The following C10orf90 variants were observed in gnomAD, a reference collection of about 807,000 sequenced individuals.
C10orf90 encodes (E2-independent) E3 ubiquitin-conjugating enzyme FATS.
In C10orf90, 56 loss-of-function variants were observed where a neutral mutation model predicts 62.5. That is an observed-to-expected ratio of 0.90 (90% CI 0.72 to 1.12). The LOEUF is 1.12. Among genes scored for constraint, C10orf90 ranks in the 50% most tolerant of loss-of-function variants. The pLI is 0.00. For missense variants in C10orf90, 970 were observed against 880.4 expected, an observed-to-expected ratio of 1.10 and a Z score of -1.29; for synonymous variants, 386 against 340.4, an observed-to-expected ratio of 1.13 and a Z score of -1.47.
chr10:126,518,775 C>T (rs1863577425), intron 2 of C10orf90, among the ~76,000 whole-genome samples: 1 of 152,164 alleles, frequency 6.6e-6, no homozygotes, highest in Admixed American at 6.5e-5. Context: ...CTGTCTCCAT[C>T]CGCCTGAACC....
intron 4 of C10orf90, among the ~76,000 whole-genome samples, chr10:126,478,089 C>T (rs907239019): frequency 3.9e-5 from 6 of 152,146 alleles, no homozygotes; most frequent in African/African-American, 1.4e-4. Context: ...AATACAGGCC[C>T]TTGGAATAAC....
At chr10:126,548,267 G>T (rs1484461340) in intron 2 of C10orf90, among the ~76,000 whole-genome samples, 2 of 152,204 alleles carry the variant, frequency 1.3e-5, no homozygotes, top group Non-Finnish European at 2.9e-5. Flanking sequence ...GTGGGGCCGG[G>T]CACAGTGGCT....
intron 4 of C10orf90, among the ~76,000 whole-genome samples, chr10:126,476,649 G>A (rs1046171527): frequency 6.6e-6 from 1 of 152,222 alleles, no homozygotes; most frequent in African/African-American, 2.4e-5. Context: ...TGCGGCACCA[G>A]ACAAATGCTC....
chr10:126,442,055 C>T (rs1237692722), intron 7 of C10orf90, among the ~76,000 whole-genome samples: 3 of 151,986 alleles, frequency 2.0e-5, no homozygotes, highest in Non-Finnish European at 2.9e-5. Context: ...CCTCCCATCT[C>T]AATACTAATA....
intron 2 of C10orf90, among the ~76,000 whole-genome samples, chr10:126,609,758 G>T (rs570520244): frequency 6.6e-6 from 1 of 152,234 alleles, no homozygotes; most frequent in Non-Finnish European, 1.5e-5. Flanking sequence ...GCCAGATGCT[G>T]CACGGGATGC....
At chr10:126,660,814 T>C (rs1846494129) in intron 1 of C10orf90, among the ~76,000 whole-genome samples, 1 of 152,224 alleles carries the variant, frequency 6.6e-6, no homozygotes, top group African/African-American at 2.4e-5. Context: ...CAATACATGA[T>C]CCTGCCTTAA....
At chr10:126,440,428 C>A (rs1365918232) in intron 7 of C10orf90, among the ~76,000 whole-genome samples, 1 of 152,094 alleles carries the variant, frequency 6.6e-6, no homozygotes, top group Non-Finnish European at 1.5e-5. Context: ...CCCAGCTCTG[C>A]CCCCAGCTGA....
At chr10:126,628,033 A>G (rs2842152) in intron 2 of C10orf90, among the ~76,000 whole-genome samples, 86,924 of 152,138 alleles carry the variant, frequency 0.57, 25,160 homozygotes, top group Middle Eastern at 0.69. Flanking sequence ...AGTGCATGGA[A>G]TTATACCCAA....
At chr10:126,576,259 A>G (rs759410261) in intron 2 of C10orf90, among the ~76,000 whole-genome samples, 2 of 152,068 alleles carry the variant, frequency 1.3e-5, no homozygotes, top group Non-Finnish European at 2.9e-5. Flanking sequence ...AAATGGGCAA[A>G]TGATCTGAGC....
chr10:126,433,031 C>T (rs991001897), intron 7 of C10orf90, among the ~76,000 whole-genome samples: 3 of 152,084 alleles, frequency 2.0e-5, no homozygotes, highest in Admixed American at 2.0e-4. Flanking sequence ...GCAAAAATGG[C>T]AGCAGTGAGA....
At chr10:126,499,476 A>G (rs569813597) in intron 4 of C10orf90, among the ~76,000 whole-genome samples, 42 of 152,340 alleles carry the variant, frequency 2.8e-4, no homozygotes, top group African/African-American at 9.6e-4. Flanking sequence ...AAAAGTCCTC[A>G]TGGGATGAGA....
intron 2 of C10orf90, among the ~76,000 whole-genome samples, chr10:126,618,765 C>T (rs1254296103): frequency 6.6e-6 from 1 of 152,176 alleles, no homozygotes; most frequent in Non-Finnish European, 1.5e-5. Context: ...TCTCTTGTGC[C>T]TTCCACTCCT....
At chr10:126,573,996 A>G (rs1396702063) in intron 2 of C10orf90, among the ~76,000 whole-genome samples, 1 of 152,200 alleles carries the variant, frequency 6.6e-6, no homozygotes, top group Non-Finnish European at 1.5e-5. Flanking sequence ...CACTTCGTCT[A>G]ACAAAAATGT....
intron 2 of C10orf90, among the ~76,000 whole-genome samples, chr10:126,613,409 T>C (rs1845478989): frequency 6.6e-6 from 1 of 152,088 alleles, no homozygotes; most frequent in Non-Finnish European, 1.5e-5. Context: ...GCTAGTCTTT[T>C]TGTTTCTTTC....
At chr10:126,507,875 G>A (rs1193569921) in intron 3 of C10orf90, among the ~76,000 whole-genome samples, 1 of 152,126 alleles carries the variant, frequency 6.6e-6, no homozygotes, top group Admixed American at 6.5e-5. Flanking sequence ...TATGGATGTA[G>A]TTTACACATA....
rs369907613 is a variant in C10orf90 at position 126,653,738 on chromosome 10, GTTTGC to G, written c.241-7106_241-7102del. 2.3e-3 allele frequency among the ~76,000 whole-genome samples: 346 copies of G among 152,268 alleles called. 2 individuals are homozygous for G. The highest frequency in any genetic ancestry group is 7.9e-3 in the African/African-American group (328 of 41,554). On this transcript the variant is annotated intron_variant, in intron 1 of 9. Coordinates refer to ENST00000488181, the MANE Select transcript of C10orf90 (RefSeq NM_001350921.2). The stretch of plus-strand genomic sequence containing the variant: ...GTGAATCTTTTCCAGAAGGTTATCA[GTTTGC>G]TTTGCTCAGATTCATCAGCAGAATC...
intron 5 of C10orf90, among the ~76,000 whole-genome samples, chr10:126,464,346 C>T (rs908243142): frequency 4.6e-4 from 70 of 152,296 alleles, no homozygotes; most frequent in Non-Finnish European, 8.7e-4. Context: ...ACAGTCAACC[C>T]AGAGGACCTG....
At chr10:126,565,145 A>T (rs867473996) in intron 2 of C10orf90, among the ~76,000 whole-genome samples, 1 of 5,830 alleles carries the variant, frequency 1.7e-4, no homozygotes, top group African/African-American at 7.2e-4. Context: ...ATATAATATT[A>T]AATATGTAAT....
At chr10:126,658,822 G>A (rs1445511138) in intron 1 of C10orf90, among the ~76,000 whole-genome samples, 1 of 152,104 alleles carries the variant, frequency 6.6e-6, no homozygotes, top group Non-Finnish European at 1.5e-5. Flanking sequence ...GTCTTGAATG[G>A]GCTCAAATGA....
Sources: gnomAD v4.1 joint callset for allele counts (sites outside exome capture counted in the v4.1 genomes callset) on GRCh38, gnomAD v4.1.1 for gene constraint, MANE v1.5 for transcripts, NCBI Gene and HGNC (gene_info 2026-07-23, HGNC 2026-07-21) for gene names.